RPS6KA3: variants seen among roughly 807,000 people sequenced by gnomAD.
RPS6KA3 encodes ribosomal protein S6 kinase A3.
In RPS6KA3, 4 loss-of-function variants were observed where a neutral mutation model predicts 67.2. The observed-to-expected ratio is 0.06, with a 90% CI of 0.03 to 0.14. The LOEUF (loss-of-function observed/expected upper bound fraction) is 0.14, where lower values mean the gene tolerates loss of function less well. Ranked by LOEUF, RPS6KA3 falls within the 10% of genes least tolerant of loss-of-function variation. RPS6KA3 has a pLI of 1.00. For synonymous variants in RPS6KA3, 182 were observed against 183.7 expected (o/e 0.99, Z 0.07); for missense variants, 204 against 559.0 (o/e 0.36, Z 6.40).
At chrX:20,199,019 C>A (rs767308703) in intron 4 of RPS6KA3, among the ~76,000 whole-genome samples, 1 of 110,239 alleles carries the variant, frequency 9.1e-6, no homozygotes, top group Admixed American at 9.7e-5. Flanking sequence ...TTACAGGTGC[C>A]CGCCACCACA....
chrX:20,231,850 G>A (rs1289136720), intron 2 of RPS6KA3, among the ~76,000 whole-genome samples: 1 of 111,305 alleles, frequency 9.0e-6, no homozygotes. Flanking sequence ...GGAATGCCAA[G>A]GATTGCTGGC....
intron 2 of RPS6KA3, among the ~76,000 whole-genome samples, chrX:20,228,351 G>A (rs1040657091): frequency 8.9e-6 from 1 of 111,783 alleles, no homozygotes; most frequent in African/African-American, 3.3e-5. Flanking sequence ...TTACACTAAA[G>A]GTCTCCCAAA....
At chrX:20,155,859 T>C (rs2067175070) in intron 21 of RPS6KA3, among the ~76,000 whole-genome samples, 1 of 112,318 alleles carries the variant, frequency 8.9e-6, no homozygotes, top group Non-Finnish European at 1.9e-5. Context: ...ATCCATAAGC[T>C]TAATCTGTCC....
chrX:20,240,704 G>C (rs1452495207), intron 1 of RPS6KA3: 1 of 117,070 alleles, frequency 8.5e-6, no homozygotes, highest in African/African-American at 3.3e-5. Context: ...TGACCAACAA[G>C]GGACTGGTTA....
At chrX:20,263,221 T>C (rs888528457) in intron 1 of RPS6KA3, among the ~76,000 whole-genome samples, 2 of 111,766 alleles carry the variant, frequency 1.8e-5, no homozygotes, top group Admixed American at 1.9e-4. Flanking sequence ...ACCTACTCTA[T>C]TGCAGTGGAG....
chrX:20,259,224 T>C (rs1304574234), intron 1 of RPS6KA3, among the ~76,000 whole-genome samples: 1 of 111,292 alleles, frequency 9.0e-6, no homozygotes, highest in Non-Finnish European at 1.9e-5. Flanking sequence ...CAAGAAGCAA[T>C]TAATTTAAAC....
intron 10 of RPS6KA3, among the ~76,000 whole-genome samples, chrX:20,185,492 C>A (rs1315996868): frequency 9.0e-6 from 1 of 110,821 alleles, no homozygotes; most frequent in Admixed American, 9.7e-5. Flanking sequence ...CCTGTCTTAG[C>A]CCCCATCTGC....
chrX:20,235,196 GATTA>G (rs1185486085), intron 1 of RPS6KA3, among the ~76,000 whole-genome samples: 2 of 110,774 alleles, frequency 1.8e-5, no homozygotes, highest in Non-Finnish European at 3.8e-5. Context: ...CAAGGGAACT[GATTA>G]ATTATTTCAG....
At chrX:20,165,165 G>T in intron 17 of RPS6KA3, 105 bp from the exon 18 acceptor site, 1 of 607,476 alleles carries the variant, frequency 1.6e-6, no homozygotes, top group Non-Finnish European at 2.8e-6. Flanking sequence ...GATGATGAGT[G>T]CTGACCTTTA....
intron 1 of RPS6KA3, among the ~76,000 whole-genome samples, chrX:20,259,888 C>T (rs915752288): frequency 9.0e-6 from 1 of 111,148 alleles, no homozygotes; most frequent in African/African-American, 3.3e-5. Flanking sequence ...CATGGATACA[C>T]CTTTTAACAT....
intron 1 of RPS6KA3, among the ~76,000 whole-genome samples, chrX:20,251,120 C>T (rs551148620): frequency 3.6e-5 from 4 of 111,075 alleles, no homozygotes; most frequent in African/African-American, 1.3e-4. Flanking sequence ...AAATGGTGTG[C>T]CATATCCTTC....
chrX:20,164,386 GTT>G (rs397977193), intron 18 of RPS6KA3, among the ~76,000 whole-genome samples: 13 of 84,587 alleles, frequency 1.5e-4, no homozygotes, highest in Admixed American at 2.6e-4. Context: ...CTGAAGGGTT[GTT>G]TTTTTTTTTT....
intron 10 of RPS6KA3, among the ~76,000 whole-genome samples, chrX:20,178,247 G>C (rs562044358): frequency 9.0e-6 from 1 of 111,301 alleles, no homozygotes; most frequent in Admixed American, 9.7e-5. Flanking sequence ...AATTTAACAT[G>C]GGAGATTATG....
chrX:20,194,581 C>T (rs1379004093), intron 5 of RPS6KA3, among the ~76,000 whole-genome samples: 3 of 110,755 alleles, frequency 2.7e-5, no homozygotes, highest in Admixed American at 9.6e-5. Context: ...AAAAACCATG[C>T]CACTAGCTAC....
At position 20,166,878 on chromosome X, in the gene RPS6KA3, C is replaced by T. The variant is rs377335264; in HGVS notation, c.1602+711G>A. Among the ~76,000 whole-genome samples, 31 of 110,372 alleles carry T rather than the reference C, an allele frequency of 2.8e-4. No individual in the cohort carries two copies. In the South Asian group the frequency reaches 5.9e-3, roughly 21 times the overall value. On this transcript the variant is annotated intron_variant, in intron 17 of 21. Transcript: ENST00000379565. ...GATTACAGGCATGAGCCATGACGCC[C>T]GGCTAATTTTTGTACTTTTAACAGA...
At chrX:20,215,809 TA>T (rs759943826) in intron 2 of RPS6KA3, among the ~76,000 whole-genome samples, 17 of 112,400 alleles carry the variant, frequency 1.5e-4, no homozygotes, top group Non-Finnish European at 2.8e-4. Context: ...AGGGCAGTGA[TA>T]AGCCAAGAAC....
intron 4 of RPS6KA3, 139 bp from the exon 5 acceptor site, chrX:20,195,284 C>A: frequency 2.3e-6 from 1 of 431,398 alleles, no homozygotes; most frequent in Non-Finnish European, 4.1e-6. Flanking sequence ...CTTGAATTTA[C>A]AAAATCAATA....
intron 15 of RPS6KA3, among the ~76,000 whole-genome samples, chrX:20,171,401 G>A (rs1444311591): frequency 8.9e-6 from 1 of 111,739 alleles, no homozygotes; most frequent in Non-Finnish European, 1.9e-5. Context: ...TAGGCAAATG[G>A]GTGATTAAGA....
upstream of RPS6KA3, chrX:20,266,933 G>C: frequency 2.9e-6 from 2 of 691,057 alleles, no homozygotes; most frequent in Non-Finnish European, 3.4e-6. Context: ...CCGCCGCCGG[G>C]ACTACGGCTC....
Sources: gnomAD v4.1 joint callset for allele counts (sites outside exome capture counted in the v4.1 genomes callset) on GRCh38, gnomAD v4.1.1 for gene constraint, MANE v1.5 for transcripts, NCBI Gene and HGNC (gene_info 2026-07-23, HGNC 2026-07-21) for gene names.